The following PINX1 variants were observed in gnomAD, a reference collection of about 807,000 sequenced individuals.
The protein encoded by PINX1 is PIN2 (TERF1) interacting telomerase inhibitor 1, also known as PIN2/TERF1-interacting telomerase inhibitor 1.
In PINX1, 34 loss-of-function variants were observed where a neutral mutation model predicts 25.4. That is an observed-to-expected ratio of 1.34 (90% CI 1.02 to 1.78). The LOEUF is 1.78. Ranked by LOEUF, PINX1 falls within the 40% of genes most tolerant of loss-of-function variation. The pLI is 0.00. For synonymous variants in PINX1, 197 were observed against 147.7 expected, an observed-to-expected ratio of 1.33 and a Z score of -2.42; for missense variants, 592 against 404.9, an observed-to-expected ratio of 1.46 and a Z score of -3.97.
At chr8:10,832,475 C>T (rs1798251980) in intron 3 of PINX1, among the ~76,000 whole-genome samples, 1 of 152,158 alleles carries the variant, frequency 6.6e-6, no homozygotes, top group Admixed American at 6.5e-5. Flanking sequence ...TGTTATCTAT[C>T]CCTCAACAAC....
At chr8:10,788,543 A>C (rs985948363) in intron 6 of PINX1, among the ~76,000 whole-genome samples, 1 of 152,086 alleles carries the variant, frequency 6.6e-6, no homozygotes, top group African/African-American at 2.4e-5. Flanking sequence ...CTACCTTGGA[A>C]GACAGAGCAA....
chr8:10,798,207 A>C (rs1053443172), intron 6 of PINX1, among the ~76,000 whole-genome samples: 9 of 152,210 alleles, frequency 5.9e-5, no homozygotes, highest in African/African-American at 2.2e-4. Context: ...TTTAGAGTCC[A>C]TGTGGCCTGG....
chr8:10,789,346 T>A (rs1273682726), intron 6 of PINX1, among the ~76,000 whole-genome samples: 1 of 152,246 alleles, frequency 6.6e-6, no homozygotes, highest in Admixed American at 6.5e-5. Context: ...ATGTGATGTT[T>A]TGACCTACAT....
At chr8:10,790,721 C>A (rs1053852736) in intron 6 of PINX1, among the ~76,000 whole-genome samples, 5 of 152,194 alleles carry the variant, frequency 3.3e-5, no homozygotes, top group Non-Finnish European at 5.9e-5. Context: ...CTGCCTCAGT[C>A]TGGCCCCTCC....
intron 6 of PINX1, among the ~76,000 whole-genome samples, chr8:10,817,404 G>T (rs536819817): frequency 5.3e-4 from 81 of 152,242 alleles, no homozygotes; most frequent in African/African-American, 1.2e-3. Flanking sequence ...TGACTATAAG[G>T]GCTGTTGTAA....
Position 10,820,228 on chromosome 8 carries a change from T to C in PINX1, c.436A>G (p.Ile146Val). Residue 146 changes from isoleucine (I) to valine (V), a missense_variant, in exon 6 of 7, where the codon ATT (isoleucine) becomes GTT (valine). Ile to Val is a conservative substitution (Grantham distance 29). Transcript: ENST00000314787. Reference protein sequence around the residue: ...SSRSKTDLDCIFGKRQSKKTP... With the variant: ...SSRSKTDLDCVFGKRQSKKTP... ...TTCTTACTCTGTCTTTTCCCAAAAATGCAGTCAAGATCTGTTTTGCTCCGA... is the reference window on the plus strand; with the variant it reads ...TTCTTACTCTGTCTTTTCCCAAAAACGCAGTCAAGATCTGTTTTGCTCCGA... 1.2e-6 allele frequency: 2 copies of C among 1,613,178 alleles called. No homozygotes were observed. Among genetic ancestry groups the C allele is most frequent in the South Asian group, 2.2e-5 (2 of 91,026 alleles).
At chr8:10,824,171 T>C (rs1393226255) in intron 5 of PINX1, among the ~76,000 whole-genome samples, 1 of 152,182 alleles carries the variant, frequency 6.6e-6, no homozygotes, top group Admixed American at 6.5e-5. Flanking sequence ...TACAAATGTA[T>C]CCACATTTTA....
At chr8:10,839,605 G>C in intron 1 of PINX1, 133 bp downstream of exon 1, 3 of 894,340 alleles carry the variant, frequency 3.4e-6, no homozygotes, top group African/African-American at 1.7e-5. Context: ...AGCCGGGCTC[G>C]GCTCCCCGGT....
intron 6 of PINX1, among the ~76,000 whole-genome samples, chr8:10,804,105 A>G (rs1802358192): frequency 6.6e-6 from 1 of 152,216 alleles, no homozygotes; most frequent in Non-Finnish European, 1.5e-5. Context: ...ATATGGGCAG[A>G]AGAGGAAGAC....
intron 6 of PINX1, among the ~76,000 whole-genome samples, chr8:10,818,578 C>G (rs1797771093): frequency 6.6e-6 from 1 of 152,090 alleles, no homozygotes; most frequent in Non-Finnish European, 1.5e-5. Flanking sequence ...TCCGGGAGGG[C>G]AAAGGCTGGG....
intron 5 of PINX1, among the ~76,000 whole-genome samples, chr8:10,824,721 T>C (rs1024576556): frequency 1.3e-5 from 2 of 152,228 alleles, no homozygotes; most frequent in African/African-American, 4.8e-5. Context: ...AATTAGAAGA[T>C]TCTACCTGTA....
rs58075569 is a variant in PINX1 at position 10,775,213 on chromosome 8, T to A, written c.472-9297A>T. On this transcript the variant is annotated intron_variant, in intron 6 of 6. Transcript: ENST00000314787. ...TATAAACAAAAAATATATTGAAAAC[T>A]TAAGTGAAAAAGTACAAGAAAGACT... Among the ~76,000 whole-genome samples, 47 of 152,262 alleles carry A rather than the reference T, an allele frequency of 3.1e-4. No individual in the cohort carries two copies. The East Asian group carries it at 8.1e-3, about 26-fold the overall frequency.
chr8:10,795,558 G>T (rs980340816), intron 6 of PINX1, among the ~76,000 whole-genome samples: 1 of 152,144 alleles, frequency 6.6e-6, no homozygotes. Context: ...ACACTACCAT[G>T]CCTGGCTAAT....
intron 6 of PINX1, among the ~76,000 whole-genome samples, chr8:10,775,604 G>A (rs1384269185): frequency 6.6e-6 from 1 of 152,010 alleles, no homozygotes; most frequent in Non-Finnish European, 1.5e-5. Context: ...CTTAATTTCT[G>A]TCTTTATCTT....
In PINX1 at chr8:10,803,995, A is replaced by G. The variant is rs1447949137; in HGVS notation, c.471+16198T>C. 7.5e-5 allele frequency among the ~76,000 whole-genome samples: 11 copies of G among 145,770 alleles called. 1 individual carries two copies. The South Asian group carries it at 2.4e-3, about 32-fold the overall frequency. ...GAAGTTCAAATTAGCTATCATTTTA[A>G]CTATACCAACGAACTCATATAGTTA... On this transcript the variant is annotated intron_variant, in intron 6 of 6. Coordinates refer to ENST00000314787, the MANE Select transcript of PINX1 (RefSeq NM_017884.6).
At chr8:10,776,827 C>A (rs1801412484) in intron 6 of PINX1, among the ~76,000 whole-genome samples, 1 of 152,194 alleles carries the variant, frequency 6.6e-6, no homozygotes, top group Admixed American at 6.6e-5. Flanking sequence ...AGAGCTTTGC[C>A]TTCTCCGCCA....
chr8:10,816,193 G>C (rs1368754194), intron 6 of PINX1, among the ~76,000 whole-genome samples: 1 of 152,200 alleles, frequency 6.6e-6, no homozygotes, highest in Non-Finnish European at 1.5e-5. Flanking sequence ...GGGGCACAGA[G>C]CTGTATGAGC....
intron 6 of PINX1, among the ~76,000 whole-genome samples, chr8:10,791,834 T>C (rs928622882): frequency 1.3e-5 from 2 of 152,202 alleles, no homozygotes; most frequent in African/African-American, 4.8e-5. Context: ...TGGCCTGTGG[T>C]GCTGCCGCGG....
intron 4 of PINX1, among the ~76,000 whole-genome samples, chr8:10,829,213 G>T (rs1446209086): frequency 2.0e-5 from 3 of 150,774 alleles, no homozygotes; most frequent in African/African-American, 7.3e-5. Context: ...TTGAACCCGG[G>T]AGGCGGAGGT....
Sources: gnomAD v4.1 joint callset for allele counts (sites outside exome capture counted in the v4.1 genomes callset) on GRCh38, gnomAD v4.1.1 for gene constraint, MANE v1.5 for transcripts, NCBI Gene and HGNC (gene_info 2026-07-23, HGNC 2026-07-21) for gene names.